Variants in SRRM4 observed in about 807,000 individuals in gnomAD.
SRRM4 encodes serine/arginine repetitive matrix protein 4.
A neutral mutation model predicts 68.9 loss-of-function variants in SRRM4; 33 were observed. The observed-to-expected ratio is 0.48, with a 90% confidence interval of 0.36 to 0.64. The LOEUF is 0.64. Among genes scored for constraint, SRRM4 ranks in the 30% least tolerant of loss-of-function variants. The pLI, the probability that SRRM4 is intolerant of heterozygous loss-of-function variation, is 0.00. For synonymous variants in SRRM4, 318 were observed against 318.8 expected, an observed-to-expected ratio of 1.00 and a Z score of 0.03; for missense variants, 817 against 827.1, an observed-to-expected ratio of 0.99 and a Z score of 0.15.
At chr12:119,147,788 C>G (rs1446256239) in intron 9 of SRRM4, among the ~76,000 whole-genome samples, 1 of 152,190 alleles carries the variant, frequency 6.6e-6, no homozygotes, top group Non-Finnish European at 1.5e-5. Context: ...TGCATATGAG[C>G]CAGTTGTAAT....
intron 1 of SRRM4, among the ~76,000 whole-genome samples, chr12:119,034,281 G>A (rs945746504): frequency 1.3e-5 from 2 of 152,148 alleles, no homozygotes; most frequent in African/African-American, 4.8e-5. Flanking sequence ...CCCCAGGAAG[G>A]GGACATGGCT....
In SRRM4 at chr12:119,057,442, G is replaced by A. The variant is rs533853912; in HGVS notation, c.132-44794G>A. On this transcript the variant is annotated intron_variant, in intron 1 of 12. Transcript: ENST00000267260. ...CTCCCACTTAGAAGTGAGAACATGC[G>A]GTGTTTGGTTTTCTGTTCCTGCATT... Among the ~76,000 whole-genome samples the A allele has an allele frequency of 2.2e-4, 33 of 152,282 alleles. 1 individual carries two copies. In the East Asian group the frequency reaches 5.8e-3, roughly 27 times the overall value.
intron 5 of SRRM4, 138 bp downstream of exon 5, chr12:119,120,414 C>T: frequency 2.2e-6 from 2 of 928,584 alleles, no homozygotes; most frequent in Non-Finnish European, 1.6e-6. Flanking sequence ...CAGTTTCCTC[C>T]AAAATGAAGG....
rs1453441938 is a variant in SRRM4 at position 119,161,790 on chromosome 12, G to A, written c.*4992G>A. ...TAGACTCAAATGGAACTAAAACACT[G>A]GTTATCTCCAGGAAAACCTCATTTA... On this transcript the variant is annotated 3_prime_UTR_variant, in exon 13 of 13. Transcript: ENST00000267260. 1 of 152,078 alleles carries A rather than the reference G, an allele frequency of 6.6e-6. No homozygotes were observed. Among genetic ancestry groups the A allele is most frequent in the Non-Finnish European group, 1.5e-5 (1 of 67,994 alleles). The allele number at this position is 152,078 out of a possible 1,614,324, so 9.4% of individuals were successfully genotyped here.
chr12:119,148,087 G>A (rs1954415759), intron 9 of SRRM4, among the ~76,000 whole-genome samples: 1 of 152,222 alleles, frequency 6.6e-6, no homozygotes, highest in African/African-American at 2.4e-5. Flanking sequence ...GGTGCCCTCT[G>A]TCATGCTAAC....
chr12:119,055,530 G>T (rs954609276), intron 1 of SRRM4, among the ~76,000 whole-genome samples: 3 of 152,048 alleles, frequency 2.0e-5, no homozygotes, highest in East Asian at 1.9e-4. Context: ...ATTCCTCCCC[G>T]CAAGACTGAA....
chr12:119,054,508 C>T (rs1216965895), intron 1 of SRRM4, among the ~76,000 whole-genome samples: 1 of 152,178 alleles, frequency 6.6e-6, no homozygotes, highest in African/African-American at 2.4e-5. Context: ...AGTGTGCATG[C>T]ACTTAACCAT....
chr12:118,983,477 A>G (rs557585914), intron 1 of SRRM4, among the ~76,000 whole-genome samples: 45 of 152,306 alleles, frequency 3.0e-4, no homozygotes, highest in African/African-American at 9.9e-4. Context: ...GGTTCTGTGT[A>G]TAGAGTTTTG....
At chr12:119,032,565 T>C (rs1953598973) in intron 1 of SRRM4, among the ~76,000 whole-genome samples, 1 of 152,212 alleles carries the variant, frequency 6.6e-6, no homozygotes, top group African/African-American at 2.4e-5. Flanking sequence ...ACTTCTGTTT[T>C]CCATTTGGTA....
rs115018925 is a variant in SRRM4 at position 119,136,738 on chromosome 12, G to A, written c.771+5904G>A. On this transcript the variant is annotated intron_variant, in intron 8 of 12. Coordinates refer to ENST00000267260, the MANE Select transcript of SRRM4 (RefSeq NM_194286.4). ...TGATAATGTATCTAACTGGGTCCCG[G>A]TGGGGATTTCTGAGAACAGGTGGGC... Among the ~76,000 whole-genome samples the A allele has an allele frequency of 2.3e-3, 347 of 152,230 alleles. 1 individual carries two copies. Among genetic ancestry groups the A allele is most frequent in the African/African-American group, 8.1e-3 (335 of 41,556 alleles).
intron 1 of SRRM4, among the ~76,000 whole-genome samples, chr12:119,092,705 T>C (rs1421809097): frequency 6.6e-6 from 1 of 152,170 alleles, no homozygotes; most frequent in Non-Finnish European, 1.5e-5. Flanking sequence ...TCACTGGTCT[T>C]CCGTATCTAT....
At chr12:119,014,129 T>C (rs977993237) in intron 1 of SRRM4, among the ~76,000 whole-genome samples, 5 of 152,330 alleles carry the variant, frequency 3.3e-5, no homozygotes, top group African/African-American at 1.2e-4. Flanking sequence ...CGTCTTTGCA[T>C]GTTTGTTGAT....
rs984399910 is a variant in SRRM4 at position 119,035,140 on chromosome 12, T to TA, written c.131+53135dup. On this transcript the variant is annotated intron_variant, in intron 1 of 12. Transcript: ENST00000267260. ...AAATTAAAAAATTAACCCTTGCATTTAAAAAAAATTGACTTTTCTCCTCTT... is the reference window on the plus strand; with the variant it reads ...AAATTAAAAAATTAACCCTTGCATTTAAAAAAAAATTGACTTTTCTCCTCTT... Among the ~76,000 whole-genome samples, 21 of 152,150 alleles carry TA rather than the reference T, an allele frequency of 1.4e-4. No individual in the cohort carries two copies. In the East Asian group the frequency reaches 2.3e-3, roughly 17 times the overall value.
At chr12:119,132,903 A>C (rs1486545602) in intron 8 of SRRM4, 1 of 152,222 alleles carries the variant, frequency 6.6e-6, no homozygotes, top group Non-Finnish European at 1.5e-5. Flanking sequence ...TGTCCCTGAG[A>C]TAGTAGTAAT....
chr12:119,052,077 G>T (rs756568693), intron 1 of SRRM4, among the ~76,000 whole-genome samples: 1 of 152,164 alleles, frequency 6.6e-6, no homozygotes, highest in Non-Finnish European at 1.5e-5. Context: ...TCTGCCTCTC[G>T]GGAGTCTATT....
In SRRM4 at chr12:119,161,979, C is replaced by T. The variant is rs1048353053; in HGVS notation, c.*5181C>T. 1 of 151,816 alleles carries T rather than the reference C, an allele frequency of 6.6e-6. No individual in the cohort carries two copies. Among genetic ancestry groups the T allele is most frequent in the Non-Finnish European group, 1.5e-5 (1 of 67,988 alleles). 9.4% of individuals were successfully genotyped at this position (151,816 alleles called of 1,614,324 possible). A position where few individuals can be genotyped will look rare whatever the true frequency, so the allele number is the denominator to read the frequency against. Reference sequence around the variant, plus strand: ...CTAACGAGCCAAGCCAAAAAGACTGCAATGGTATTCCTATGTGTTTCTTTG... The same window carrying T: ...CTAACGAGCCAAGCCAAAAAGACTGTAATGGTATTCCTATGTGTTTCTTTG... On this transcript the variant is annotated 3_prime_UTR_variant, in exon 13 of 13. Transcript: ENST00000267260.
intron 1 of SRRM4, among the ~76,000 whole-genome samples, chr12:119,019,480 C>A (rs192648336): frequency 6.6e-6 from 1 of 152,140 alleles, no homozygotes; most frequent in African/African-American, 2.4e-5. Context: ...CCTCCACCCA[C>A]TCACTCCAGC....
rs186341512 is a variant in SRRM4 at position 119,009,180 on chromosome 12, C to T, written c.131+27167C>T. 4.3e-3 allele frequency among the ~76,000 whole-genome samples: 655 copies of T among 152,234 alleles called. 4 individuals are homozygous for T. The highest frequency in any genetic ancestry group is 0.01 in the Middle Eastern group (3 of 294). On this transcript the variant is annotated intron_variant, in intron 1 of 12. Transcript: ENST00000267260. Reference sequence around the variant, plus strand: ...AGCTGAACAGCTGCTGGGAGGGCTCCGGAGCGAGATGCTAACAGGAGGGGA... The same window carrying T: ...AGCTGAACAGCTGCTGGGAGGGCTCTGGAGCGAGATGCTAACAGGAGGGGA...
intron 1 of SRRM4, among the ~76,000 whole-genome samples, chr12:119,011,326 G>C (rs1953448330): frequency 6.6e-6 from 1 of 152,198 alleles, no homozygotes; most frequent in Admixed American, 6.5e-5. Flanking sequence ...GGGCCAGCCA[G>C]ATAATACTTC....
Sources: gnomAD v4.1 joint callset for allele counts (sites outside exome capture counted in the v4.1 genomes callset) on GRCh38, gnomAD v4.1.1 for gene constraint, MANE v1.5 for transcripts, NCBI Gene and HGNC (gene_info 2026-07-23, HGNC 2026-07-21) for gene names.